Variants in PHF21A observed in about 807,000 individuals in gnomAD.
The protein encoded by PHF21A is BHC80a.
PHF21A carries 11 observed loss-of-function variants against 82.5 expected under a neutral mutation model. The ratio of observed to expected loss-of-function variants is 0.13; its 90% CI spans 0.08 to 0.22. PHF21A has a LOEUF of 0.22. Among genes scored for constraint, PHF21A ranks in the 10% least tolerant of loss-of-function variants. PHF21A has a pLI of 1.00. For missense variants in PHF21A, 579 were observed against 837.8 expected (o/e 0.69, Z 3.81); for synonymous variants, 297 against 302.8 (o/e 0.98, Z 0.20).
intron 9 of PHF21A, among the ~76,000 whole-genome samples, chr11:45,968,421 G>A (rs2093574936): frequency 6.6e-6 from 1 of 152,134 alleles, no homozygotes; most frequent in African/African-American, 2.4e-5. Context: ...TGAGCCACAT[G>A]GCCCTCTGTG....
chr11:46,068,510 G>A (rs942643259), intron 6 of PHF21A, among the ~76,000 whole-genome samples: 1 of 152,158 alleles, frequency 6.6e-6, no homozygotes, highest in African/African-American at 2.4e-5. Context: ...TCCAAAGAGT[G>A]GAAGAGTCCC....
At chr11:45,939,522 T>G (rs2089918877) in intron 15 of PHF21A, among the ~76,000 whole-genome samples, 1 of 152,136 alleles carries the variant, frequency 6.6e-6, no homozygotes, top group Non-Finnish European at 1.5e-5. Context: ...CTGACAATGT[T>G]CTCCTAAAAC....
chr11:46,061,092 C>A (rs2096529543), intron 6 of PHF21A, among the ~76,000 whole-genome samples: 1 of 152,180 alleles, frequency 6.6e-6, no homozygotes, highest in African/African-American at 2.4e-5. Context: ...TTGTTTTCGT[C>A]AGGTTTGTCA....
intron 6 of PHF21A, among the ~76,000 whole-genome samples, chr11:46,060,023 G>A (rs1006833945): frequency 1.3e-5 from 2 of 152,052 alleles, no homozygotes; most frequent in Non-Finnish European, 2.9e-5. Flanking sequence ...GATTACAGGC[G>A]TGAGCCACTG....
At chr11:46,029,648 A>G (rs2095825049) in intron 6 of PHF21A, among the ~76,000 whole-genome samples, 1 of 150,620 alleles carries the variant, frequency 6.6e-6, no homozygotes, top group Non-Finnish European at 1.5e-5. Flanking sequence ...AGATCGTGCC[A>G]CTGCACTAGA....
In PHF21A at chr11:46,043,539, C is replaced by T. The variant is rs115502826; in HGVS notation, c.153+33215G>A. Among the ~76,000 whole-genome samples the T allele has an allele frequency of 4.4e-3, 672 of 152,142 alleles. 9 individuals are homozygous for T. Among genetic ancestry groups the T allele is most frequent in the African/African-American group, 0.015 (634 of 41,516 alleles). ...CTCTCCTTCCACTGGCCTAGTGAAGCTTTGGCCCCTGAAGTGATAAAGACG... is the reference window on the plus strand; with the variant it reads ...CTCTCCTTCCACTGGCCTAGTGAAGTTTTGGCCCCTGAAGTGATAAAGACG... On this transcript the variant is annotated intron_variant, in intron 6 of 18. Coordinates refer to ENST00000676320, the MANE Select transcript of PHF21A (RefSeq NM_001352027.3).
At chr11:45,942,558 CTG>C (rs1325069085) in intron 15 of PHF21A, among the ~76,000 whole-genome samples, 2 of 152,172 alleles carry the variant, frequency 1.3e-5, no homozygotes, top group Admixed American at 6.5e-5. Flanking sequence ...GTTAGGAAAC[CTG>C]TGTCAATTAT....
At chr11:46,102,973 T>C (rs926806241) in intron 1 of PHF21A, among the ~76,000 whole-genome samples, 2 of 151,898 alleles carry the variant, frequency 1.3e-5, no homozygotes, top group African/African-American at 4.8e-5. Context: ...AAAGAGACCA[T>C]CAAGAGGGTA....
chr11:46,107,831 C>T (rs1023234290), intron 1 of PHF21A, among the ~76,000 whole-genome samples: 1 of 151,798 alleles, frequency 6.6e-6, no homozygotes, highest in African/African-American at 2.4e-5. Flanking sequence ...AAAAAATGAA[C>T]AGCACTCAAA....
In PHF21A at chr11:45,965,466, A is replaced by G; in HGVS notation, c.845T>C (p.Ile282Thr). 7 of 1,613,876 alleles carry G rather than the reference A, an allele frequency of 4.3e-6. No individual in the cohort carries two copies. The highest frequency in any genetic ancestry group is 5.9e-6 in the Non-Finnish European group (7 of 1,179,974). Residue 282 changes from isoleucine (I) to threonine (T), a missense_variant, in exon 10 of 19, where the codon ATC becomes ACC. This residue lies in a region of PHF21A where 410 missense variants were observed against 642.1 expected (regional missense o/e 0.64). Transcript: ENST00000676320. ...CCCATTGACGACACGGACGGGGTGG[A>G]TGGAATTCTGGGATGTGGGAAGGGT... ...PTTLPTSQNS[I>T]HPVRVVNGQT...
chr11:46,058,964 G>C (rs991695383), intron 6 of PHF21A, among the ~76,000 whole-genome samples: 14 of 152,166 alleles, frequency 9.2e-5, no homozygotes, highest in Admixed American at 6.5e-4. Context: ...AGAGACACAA[G>C]AGACAGAGAC....
At chr11:46,094,884 G>A (rs186790516) in intron 1 of PHF21A, among the ~76,000 whole-genome samples, 105 of 152,272 alleles carry the variant, frequency 6.9e-4, no homozygotes, top group Admixed American at 5.3e-3. Flanking sequence ...TGGCGACAGA[G>A]TGAGTCTCCG....
intron 10 of PHF21A, among the ~76,000 whole-genome samples, chr11:45,961,834 T>C (rs10769176): frequency 0.29 from 44,828 of 152,080 alleles, 7,411 homozygotes; most frequent in East Asian, 0.77. Context: ...ATCGTAAGTC[T>C]TCTGGCTTCA....
At chr11:45,954,953 TTTCTTTCC>T (rs1478343420) in intron 10 of PHF21A, among the ~76,000 whole-genome samples, 3 of 152,198 alleles carry the variant, frequency 2.0e-5, no homozygotes, top group Non-Finnish European at 4.4e-5. Context: ...GATCTTTGAT[TTTCTTTCC>T]TGGCCACTTC....
intron 9 of PHF21A, among the ~76,000 whole-genome samples, chr11:45,965,849 C>G (rs1199458863): frequency 6.6e-6 from 1 of 152,168 alleles, no homozygotes; most frequent in East Asian, 1.9e-4. Flanking sequence ...CTCTTCTATA[C>G]CATGCCACCT....
At chr11:46,119,799 A>T (rs1425398069) in intron 1 of PHF21A, 7 of 150,908 alleles carry the variant, frequency 4.6e-5, no homozygotes, top group Non-Finnish European at 7.4e-5. Context: ...AAGAGACCAA[A>T]GAGAGGATGA....
intron 6 of PHF21A, among the ~76,000 whole-genome samples, chr11:46,035,967 C>T (rs2095993601): frequency 6.6e-6 from 1 of 152,096 alleles, no homozygotes; most frequent in South Asian, 2.1e-4. Context: ...AAGATTCACT[C>T]TAGCTACAGT....
rs148998189 is a variant in PHF21A at position 46,065,427 on chromosome 11, C to T, written c.153+11327G>A. 1.1e-3 allele frequency among the ~76,000 whole-genome samples: 167 copies of T among 152,286 alleles called. No individual in the cohort carries two copies. The Middle Eastern group carries it at 0.017, about 16-fold the overall frequency. ...ATCCCATGACAACAGCAGTGGTTGCCGACATGCTGAGCATGGCAGTGCTGA... is the reference window on the plus strand; with the variant it reads ...ATCCCATGACAACAGCAGTGGTTGCTGACATGCTGAGCATGGCAGTGCTGA... On this transcript the variant is annotated intron_variant, in intron 6 of 18. Transcript: ENST00000676320.
Position 46,085,928 on chromosome 11 carries a change from C to A in PHF21A, c.-83-1626G>T, listed in dbSNP as rs570429036. ...CTAGATTATATAACATCAAAATACT[C>A]AAACCTAAAAAAGAATAAATTCCAA... On this transcript the variant is annotated intron_variant, in intron 3 of 18. Transcript: ENST00000676320. Among the ~76,000 whole-genome samples the A allele has an allele frequency of 3.3e-5, 5 of 151,882 alleles. No individual in the cohort carries two copies. The South Asian group carries it at 1.0e-3, about 32-fold the overall frequency.
Sources: gnomAD v4.1 joint callset for allele counts (sites outside exome capture counted in the v4.1 genomes callset) on GRCh38, gnomAD v4.1.1 for gene constraint, gnomAD v4.1.1 regional missense constraint, MANE v1.5 for transcripts, NCBI Gene and HGNC (gene_info 2026-07-23, HGNC 2026-07-21) for gene names.